The following FOXP2 variants were observed in gnomAD, a reference collection of about 807,000 sequenced individuals.
FOXP2 encodes forkhead box protein P2.
In FOXP2, 12 loss-of-function variants were observed where a neutral mutation model predicts 115.8. The observed-to-expected ratio is 0.10, with a 90% CI of 0.07 to 0.17. The LOEUF (loss-of-function observed/expected upper bound fraction) is 0.17, where lower values mean the gene tolerates loss of function less well. Ranked by LOEUF, FOXP2 falls within the 10% of genes least tolerant of loss-of-function variation. FOXP2 has a pLI of 1.00. For synonymous variants in FOXP2, 328 were observed against 297.7 expected, an observed-to-expected ratio of 1.10 and a Z score of -1.05; for missense variants, 629 against 843.5, an observed-to-expected ratio of 0.75 and a Z score of 3.15.
chr7:114,580,778 G>A (rs956910525), intron 3 of FOXP2, among the ~76,000 whole-genome samples: 1 of 152,094 alleles, frequency 6.6e-6, no homozygotes, highest in Admixed American at 6.6e-5. Context: ...TTGACCATAG[G>A]CAGTAGGAAG....
At chr7:114,541,279 G>C (rs1193877261) in intron 3 of FOXP2, among the ~76,000 whole-genome samples, 1 of 151,996 alleles carries the variant, frequency 6.6e-6, no homozygotes, top group Non-Finnish European at 1.5e-5. Flanking sequence ...TAGTAGAGGA[G>C]ATTTCTGAAA....
chr7:114,286,945 A>G (rs867943962), intron 1 of FOXP2, among the ~76,000 whole-genome samples: 2 of 152,052 alleles, frequency 1.3e-5, no homozygotes, highest in African/African-American at 2.4e-5. Context: ...AATGATTTCA[A>G]TACAATTAGT....
At chr7:114,611,643 CT>C (rs200244536) in intron 3 of FOXP2, among the ~76,000 whole-genome samples, 3 of 151,974 alleles carry the variant, frequency 2.0e-5, no homozygotes, top group Non-Finnish European at 4.4e-5. Context: ...AGGAAGTTTT[CT>C]TTTTTTTCTG....
intron 1 of FOXP2, among the ~76,000 whole-genome samples, chr7:114,100,738 T>G (rs1391032417): frequency 1.3e-5 from 2 of 152,184 alleles, no homozygotes; most frequent in African/African-American, 2.4e-5. Flanking sequence ...CACTTGTCAT[T>G]AGTCCTTTGG....
At chr7:114,231,703 C>T (rs188408358) in intron 1 of FOXP2, among the ~76,000 whole-genome samples, 53 of 152,246 alleles carry the variant, frequency 3.5e-4, no homozygotes, top group Non-Finnish European at 1.8e-4. Context: ...TTATACCATA[C>T]ATAAACATCA....
In FOXP2 at chr7:114,347,865, T is replaced by C. The variant is rs543426746; in HGVS notation, c.-11+59756T>C. 1.6e-3 allele frequency among the ~76,000 whole-genome samples: 240 copies of C among 152,210 alleles called. 1 individual carries two copies. The highest frequency in any genetic ancestry group is 4.3e-3 in the South Asian group (21 of 4,832). On this transcript the variant is annotated intron_variant, in intron 2 of 17. Transcript: ENST00000634411. Reference sequence around the variant, plus strand: ...CCTATTTGGTTAATATAAATGTTGCTATGCATATTATTTAAAAATCTTGCC... The same window carrying C: ...CCTATTTGGTTAATATAAATGTTGCCATGCATATTATTTAAAAATCTTGCC...
intron 6 of FOXP2, 116 bp downstream of exon 6, chr7:114,631,821 T>C (rs1804939961): frequency 9.7e-7 from 1 of 1,028,424 alleles, no homozygotes; most frequent in Non-Finnish European, 1.5e-6. Flanking sequence ...AATTTATTAT[T>C]AAAACGTGAT....
intron 2 of FOXP2, among the ~76,000 whole-genome samples, chr7:114,457,854 T>C (rs1016681963): frequency 6.0e-5 from 9 of 148,780 alleles, no homozygotes; most frequent in East Asian, 3.9e-4. Flanking sequence ...GCCGAGATCG[T>C]GCCACTGTAC....
At chr7:114,665,779 A>G (rs553624641) in intron 16 of FOXP2, 1 of 152,260 alleles carries the variant, frequency 6.6e-6, no homozygotes, top group South Asian at 2.1e-4. Flanking sequence ...TGAGAGTAGC[A>G]GTATTCTAAA....
At chr7:114,527,773 A>G (rs1032988970) in intron 2 of FOXP2, among the ~76,000 whole-genome samples, 2 of 152,092 alleles carry the variant, frequency 1.3e-5, no homozygotes, top group Admixed American at 1.3e-4. Flanking sequence ...ACAATTTTGG[A>G]GTCATCACTG....
chr7:114,298,495 TC>T (rs1369618938), intron 2 of FOXP2, among the ~76,000 whole-genome samples: 1 of 152,206 alleles, frequency 6.6e-6, no homozygotes, highest in Non-Finnish European at 1.5e-5. Context: ...CAGGTATTCT[TC>T]TCAGTTATCC....
intron 16 of FOXP2, among the ~76,000 whole-genome samples, chr7:114,678,043 G>A (rs1012950061): frequency 2.0e-5 from 3 of 152,186 alleles, no homozygotes; most frequent in African/African-American, 4.8e-5. Context: ...TGAAGTTAAC[G>A]ACTGAAGCAT....
chr7:114,280,610 G>A (rs1438520297), intron 1 of FOXP2, among the ~76,000 whole-genome samples: 1 of 152,020 alleles, frequency 6.6e-6, no homozygotes, highest in Non-Finnish European at 1.5e-5. Flanking sequence ...AACTACAGAA[G>A]CCTTTGTCTA....
At chr7:114,310,004 G>T (rs1173444818) in intron 2 of FOXP2, among the ~76,000 whole-genome samples, 2 of 151,910 alleles carry the variant, frequency 1.3e-5, no homozygotes, top group Non-Finnish European at 2.9e-5. Flanking sequence ...TTTTCTGAGT[G>T]GTAGACCAAA....
In FOXP2 at chr7:114,171,537, A is replaced by G. The variant is rs112896731; in HGVS notation, c.-102+8449A>G. On this transcript the variant is annotated intron_variant, in intron 1 of 17. Coordinates refer to the FOXP2 transcript ENST00000634411. ...GCAGTTGAGCTATTATTGTACTACT[A>G]CAGCAGCCTTGGTGACAGAGTGAGA... Among the ~76,000 whole-genome samples the G allele has an allele frequency of 5.7e-3, 868 of 152,308 alleles. 8 individuals are homozygous for G. The highest frequency in any genetic ancestry group is 0.02 in the African/African-American group (812 of 41,568).
intron 2 of FOXP2, among the ~76,000 whole-genome samples, chr7:114,361,067 C>A (rs112905586): frequency 0.088 from 13,325 of 152,122 alleles, 658 homozygotes; most frequent in Middle Eastern, 0.16. Flanking sequence ...CCCTACCTTT[C>A]TTTCTCTTCA....
In FOXP2 at chr7:114,366,047, C is replaced by T. The variant is rs144587093; in HGVS notation, c.-10-60455C>T. ...CATTTAAAAATCTAATTACTTTCACCTGTTTAAATAAGTGAACTCCATGCA... is the reference window on the plus strand; with the variant it reads ...CATTTAAAAATCTAATTACTTTCACTTGTTTAAATAAGTGAACTCCATGCA... On this transcript the variant is annotated intron_variant, in intron 2 of 17. Coordinates refer to the FOXP2 transcript ENST00000634411. Among the ~76,000 whole-genome samples, 124 of 152,192 alleles carry T rather than the reference C, an allele frequency of 8.1e-4. 1 individual carries two copies. The East Asian group carries it at 0.018, about 23-fold the overall frequency.
chr7:114,478,270 G>C (rs1326302750), intron 2 of FOXP2, among the ~76,000 whole-genome samples: 1 of 151,718 alleles, frequency 6.6e-6, no homozygotes, highest in South Asian at 2.1e-4. Context: ...ATGTTTTGGG[G>C]CCTCTTGGAT....
chr7:114,614,630 CATTT>C (rs1220927865), intron 3 of FOXP2, among the ~76,000 whole-genome samples: 1 of 152,008 alleles, frequency 6.6e-6, no homozygotes, highest in Admixed American at 6.6e-5. Flanking sequence ...TTATTTTTTA[CATTT>C]ATTTATTATA....
Sources: allele counts gnomAD v4.1 joint callset (sites outside exome capture counted in the v4.1 genomes callset), GRCh38; gene constraint gnomAD v4.1.1; transcripts MANE v1.5; gene names NCBI Gene and HGNC (gene_info 2026-07-23, HGNC 2026-07-21).